Variants in PRKRA observed in about 807,000 individuals in gnomAD.
PRKRA encodes the protein interferon-inducible double-stranded RNA-dependent protein kinase activator A.
Under a neutral mutation model 32.4 loss-of-function variants are expected in PRKRA, and 22 were observed. That is an observed-to-expected ratio of 0.68 (90% CI 0.49 to 0.97). PRKRA has a LOEUF of 0.97. Ranked by LOEUF, PRKRA falls within the 50% of genes least tolerant of loss-of-function variation. The pLI, the probability that PRKRA is intolerant of heterozygous loss-of-function variation, is 0.00. For synonymous variants in PRKRA, 139 were observed against 129.8 expected (o/e 1.07, Z -0.48); for missense variants, 319 against 375.6 (o/e 0.85, Z 1.25).
At chr2:178,449,940 TC>T in intron 2 of PRKRA, 1 of 467,784 alleles carries the variant, frequency 2.1e-6, no homozygotes, top group Non-Finnish European at 3.9e-6. Flanking sequence ...CTTTCCTGCT[TC>T]CCTCTAATTC....
In PRKRA at chr2:178,450,292, T is replaced by C. The variant is rs1368667641; in HGVS notation, c.185A>G (p.His62Arg). The change falls in exon 2 of 8, where the codon CAC (histidine) becomes CGC (arginine). Residue 62 changes from histidine to arginine, a missense_variant. By Grantham distance (29) the His-to-Arg change is conservative. Coordinates refer to ENST00000325748, the MANE Select transcript of PRKRA (RefSeq NM_003690.5). ...TACTCTGAAGGTGAAAGTGGGCACGTGTATTTGCACATCAGATCTTTCACA... is the reference window on the plus strand; with the variant it reads ...TACTCTGAAGGTGAAAGTGGGCACGCGTATTTGCACATCAGATCTTTCACA... ...YECERSDVQI[H>R]VPTFTFRVTV... is the part of the protein sequence containing the mutation. 4 of 1,614,146 alleles carry C rather than the reference T, an allele frequency of 2.5e-6. No individual in the cohort carries two copies. In the African/African-American group the frequency reaches 5.3e-5, roughly 22 times the overall value.
At chr2:178,436,059 T>C (rs1696880210) in intron 7 of PRKRA, 86 bp downstream of exon 7, 1 of 967,914 alleles carries the variant, frequency 1.0e-6, no homozygotes, top group African/African-American at 1.9e-5. Context: ...GTAATAGAAA[T>C]TTTTATTCCT....
chr2:178,450,132 C>T lies in PRKRA; in HGVS notation c.235+110G>A. ...GAGATGAGAGGTCTCAGTTTCAGAGCCTGTTCCTCACAGCTGTCTGGCAAA... is the reference window on the plus strand; with the variant it reads ...GAGATGAGAGGTCTCAGTTTCAGAGTCTGTTCCTCACAGCTGTCTGGCAAA... On this transcript the variant is annotated intron_variant, in intron 2 of 7. Transcript: ENST00000325748. 6 of 1,224,208 alleles carry T rather than the reference C, an allele frequency of 4.9e-6. No homozygotes were observed. In the African/African-American group the frequency reaches 6.1e-5, roughly 12 times the overall value. 75.8% of individuals were successfully genotyped at this position (1,224,208 alleles called of 1,614,324 possible).
intron 6 of PRKRA, chr2:178,438,742 G>C (rs564850746): frequency 6.6e-6 from 1 of 151,646 alleles, no homozygotes; most frequent in Admixed American, 6.5e-5. Flanking sequence ...CAGTGGCGTG[G>C]ATCTCTGCTC....
At chr2:178,444,529 CAAAAT>C in intron 3 of PRKRA, 29 bp from the exon 4 acceptor site, 1 of 713,304 alleles carries the variant, frequency 1.4e-6, no homozygotes, top group Middle Eastern at 3.2e-4. Context: ...TGTTATAAAA[CAAAAT>C]AATTTCCCCC....
Position 178,436,326 on chromosome 2 carries a change from AAC to A in PRKRA, c.610-9_610-8del. ...AATGTCCTACTACATTTGTCTGAAAAACAGAGATGAAGATTTAGACTCTTGAC... is the reference window on the plus strand; with the variant it reads ...AATGTCCTACTACATTTGTCTGAAAAAGAGATGAAGATTTAGACTCTTGAC... On this transcript the variant is annotated splice_polypyrimidine_tract_variant and splice_region_variant and intron_variant, in intron 6 of 7. Coordinates refer to ENST00000325748, the MANE Select transcript of PRKRA (RefSeq NM_003690.5). 3 of 1,611,822 alleles carry A rather than the reference AAC, an allele frequency of 1.9e-6. No homozygotes were observed. Among genetic ancestry groups the A allele is most frequent in the Non-Finnish European group, 2.5e-6 (3 of 1,178,496 alleles).
chr2:178,442,556 C>T (rs977328095), intron 5 of PRKRA, among the ~76,000 whole-genome samples: 3 of 152,158 alleles, frequency 2.0e-5, no homozygotes, highest in Non-Finnish European at 2.9e-5. Context: ...CTTAACTTCG[C>T]GAATCAAGGA....
At chr2:178,438,186 T>G (rs1479311646) in intron 6 of PRKRA, among the ~76,000 whole-genome samples, 1 of 152,234 alleles carries the variant, frequency 6.6e-6, no homozygotes, top group Non-Finnish European at 1.5e-5. Flanking sequence ...GCTTTCCCCA[T>G]GCTAAGATTT....
At chr2:178,445,010 A>G (rs551392513) in intron 3 of PRKRA, among the ~76,000 whole-genome samples, 3 of 152,374 alleles carry the variant, frequency 2.0e-5, no homozygotes, top group South Asian at 2.1e-4. Context: ...CAGAAAATTT[A>G]GCCTGGCAAT....
chr2:178,438,402 A>G (rs1235775107), intron 6 of PRKRA, among the ~76,000 whole-genome samples: 1 of 152,170 alleles, frequency 6.6e-6, no homozygotes, highest in African/African-American at 2.4e-5. Context: ...TGAATAATCC[A>G]TCCTCTCACC....
intron 6 of PRKRA, chr2:178,440,071 GAA>G (rs903567405): frequency 2.0e-5 from 3 of 152,088 alleles, no homozygotes; most frequent in African/African-American, 7.2e-5. Context: ...TACATTGCCT[GAA>G]AAGAGTTTAA....
chr2:178,450,710 G>A (rs1697566499), intron 1 of PRKRA: 3 of 1,395,264 alleles, frequency 2.2e-6, no homozygotes, highest in Non-Finnish European at 9.3e-7. Flanking sequence ...AAAACCTGAC[G>A]ATCCCTTCCC....
intron 7 of PRKRA, among the ~76,000 whole-genome samples, chr2:178,435,442 A>T (rs1340027673): frequency 6.6e-6 from 1 of 151,940 alleles, no homozygotes; most frequent in Admixed American, 6.6e-5. Context: ...AATTAGCTCT[A>T]TAAATTGAAT....
At chr2:178,432,295 T>C (rs761919608) in intron 7 of PRKRA, 41 bp from the exon 8 acceptor site, 5 of 973,194 alleles carry the variant, frequency 5.1e-6, no homozygotes, top group Admixed American at 5.5e-5. Context: ...ATGTCCAATA[T>C]GTATAAAGTG....
chr2:178,436,649 T>C (rs1267335693), intron 6 of PRKRA, among the ~76,000 whole-genome samples: 1 of 152,128 alleles, frequency 6.6e-6, no homozygotes, highest in Non-Finnish European at 1.5e-5. Context: ...AATCCACAAA[T>C]AATTAAATCT....
rs557907002 is a variant in PRKRA, at chr2:178,449,969, G to A, written c.235+273C>T. On this transcript the variant is annotated intron_variant, in intron 2 of 7. Coordinates refer to ENST00000325748, the MANE Select transcript of PRKRA (RefSeq NM_003690.5). ...TCTAATTCTAAGAAGAACCCTAGGA[G>A]GATCCTAGGGTATGAGAAGAGCCAT... is the stretch of plus-strand genomic sequence containing the variant. 8 of 535,670 alleles carry A rather than the reference G, an allele frequency of 1.5e-5. No individual in the cohort carries two copies. The South Asian group carries it at 1.6e-4, about 11-fold the overall frequency. The allele number at this position is 535,670 out of a possible 1,614,324, so 33.2% of individuals were successfully genotyped here.
chr2:178,444,029 T>A, intron 4 of PRKRA: 1 of 179,408 alleles, frequency 5.6e-6, no homozygotes, highest in Non-Finnish European at 1.2e-5. Flanking sequence ...TTTGGTAGAA[T>A]AAGCAAATAG....
intron 5 of PRKRA, 37 bp downstream of exon 5, chr2:178,443,230 A>G (rs751164149): frequency 2.8e-6 from 2 of 724,888 alleles, no homozygotes; most frequent in Non-Finnish European, 4.1e-6. Flanking sequence ...ATCATCTGAA[A>G]ATATTTCAAA....
chr2:178,437,012 GC>G (rs1696926567), intron 6 of PRKRA, among the ~76,000 whole-genome samples: 2 of 151,742 alleles, frequency 1.3e-5, no homozygotes, highest in African/African-American at 4.8e-5. Context: ...TTCTCAAATT[GC>G]TTTCATATGC....
Sources: allele counts gnomAD v4.1 joint callset (sites outside exome capture counted in the v4.1 genomes callset), GRCh38; gene constraint gnomAD v4.1.1; transcripts MANE v1.5; gene names NCBI Gene and HGNC (gene_info 2026-07-23, HGNC 2026-07-21).